Variants in NDST3 observed in about 807,000 individuals in gnomAD.
The protein encoded by NDST3 is N-deacetylase and N-sulfotransferase 3.
In NDST3, 58 loss-of-function variants were observed where a neutral mutation model predicts 96.1. The observed-to-expected ratio is 0.60, with a 90% CI of 0.49 to 0.75. NDST3 has a LOEUF of 0.75. Ranked by LOEUF, NDST3 falls within the 30% of genes least tolerant of loss-of-function variation. The pLI is 0.00. For synonymous variants in NDST3, 333 were observed against 359.7 expected, an observed-to-expected ratio of 0.93 and a Z score of 0.84; for missense variants, 788 against 1,034.2, an observed-to-expected ratio of 0.76 and a Z score of 3.27.
At chr4:118,154,393 T>C (rs191006664) in intron 6 of NDST3, among the ~76,000 whole-genome samples, 138 of 152,276 alleles carry the variant, frequency 9.1e-4, no homozygotes, top group African/African-American at 3.2e-3. Flanking sequence ...TAATAAGAGG[T>C]TGCTAAATGT....
intron 6 of NDST3, among the ~76,000 whole-genome samples, chr4:118,224,018 T>G (rs2030634): frequency 0.17 from 25,805 of 152,132 alleles, 2,340 homozygotes; most frequent in South Asian, 0.23. Context: ...TCCTGCACTT[T>G]CTGTGATTGT....
At chr4:118,046,676 G>A (rs867471130) in intron 1 of NDST3, among the ~76,000 whole-genome samples, 1 of 152,120 alleles carries the variant, frequency 6.6e-6, no homozygotes, top group South Asian at 2.1e-4. Context: ...AGTACCTGAA[G>A]GATGGAGCCC....
intron 2 of NDST3, among the ~76,000 whole-genome samples, chr4:118,101,878 A>C (rs1729793926): frequency 6.6e-6 from 1 of 152,122 alleles, no homozygotes; most frequent in Non-Finnish European, 1.5e-5. Flanking sequence ...ATTATAGTAT[A>C]CTCATTTGAT....
chr4:118,117,347 C>T (rs2125868781), intron 4 of NDST3, among the ~76,000 whole-genome samples: 1 of 152,008 alleles, frequency 6.6e-6, no homozygotes, highest in East Asian at 1.9e-4. Flanking sequence ...CACAAAATTG[C>T]CATCTTTAAT....
intron 4 of NDST3, among the ~76,000 whole-genome samples, chr4:118,137,381 C>T (rs1337516089): frequency 3.3e-5 from 5 of 150,760 alleles, no homozygotes; most frequent in Non-Finnish European, 7.4e-5. Context: ...ATTTTATGTA[C>T]AAGAGCTTGA....
intron 2 of NDST3, among the ~76,000 whole-genome samples, chr4:118,063,347 G>A (rs1726053371): frequency 6.6e-6 from 1 of 152,068 alleles, no homozygotes; most frequent in Non-Finnish European, 1.5e-5. Context: ...AGAGATTTAG[G>A]TTCTAGAGAT....
chr4:118,068,547 C>G lies in NDST3; in HGVS notation c.981+13656C>G, dbSNP rs189278316. Among the ~76,000 whole-genome samples the G allele has an allele frequency of 1.4e-4, 21 of 152,108 alleles. No homozygotes were observed. The East Asian group carries it at 3.9e-3, about 28-fold the overall frequency. On this transcript the variant is annotated intron_variant, in intron 2 of 13. Coordinates refer to ENST00000296499, the MANE Select transcript of NDST3 (RefSeq NM_004784.3). The stretch of plus-strand genomic sequence containing the variant: ...AAACCACGGAAAAGCCAAGAAACAT[C>G]ACTTTAAATGTTTGCTTAAAAATGC...
At chr4:118,138,552 T>C (rs1733312831) in intron 5 of NDST3, among the ~76,000 whole-genome samples, 1 of 152,198 alleles carries the variant, frequency 6.6e-6, no homozygotes, top group Admixed American at 6.5e-5. Context: ...CAAAATGTTA[T>C]TCAGTATGAA....
intron 1 of NDST3, among the ~76,000 whole-genome samples, chr4:118,036,367 A>T (rs993616320): frequency 6.6e-6 from 1 of 152,310 alleles, no homozygotes; most frequent in African/African-American, 2.4e-5. Flanking sequence ...AAAATCAGGG[A>T]AATTGAATTA....
chr4:118,127,524 G>T (rs188794654), intron 4 of NDST3, among the ~76,000 whole-genome samples: 1 of 152,016 alleles, frequency 6.6e-6, no homozygotes, highest in East Asian at 1.9e-4. Flanking sequence ...TTGTTGCTGG[G>T]TTCTTTGTTC....
intron 2 of NDST3, among the ~76,000 whole-genome samples, chr4:118,066,122 A>ATATATAT (rs1237306611): frequency 1.5e-5 from 1 of 65,278 alleles, no homozygotes; most frequent in Non-Finnish European, 2.8e-5. Flanking sequence ...TTTATATATT[A>ATATATAT]TATATATTAT....
At chr4:118,093,932 G>A (rs577486691) in intron 2 of NDST3, among the ~76,000 whole-genome samples, 8 of 151,880 alleles carry the variant, frequency 5.3e-5, no homozygotes, top group Admixed American at 5.3e-4. Context: ...ATGGAACCTT[G>A]TTGCTGCATC....
rs1204525860 is a variant in NDST3 at position 118,256,869 on chromosome 4, T to C, written c.*1157T>C. 6.6e-6 allele frequency: 1 copy of C among 152,188 alleles called. No homozygotes were observed. The highest frequency in any genetic ancestry group is 2.4e-5 in the African/African-American group (1 of 41,450). The allele number at this position is 152,188 out of a possible 1,614,324, so 9.4% of individuals were successfully genotyped here. ...TAATATATTATTTGTAATCTAATGTTTGCAATGATACTTTTGATATAAGGC... is the reference window on the plus strand; with the variant it reads ...TAATATATTATTTGTAATCTAATGTCTGCAATGATACTTTTGATATAAGGC... On this transcript the variant is annotated 3_prime_UTR_variant, in exon 14 of 14. Coordinates refer to ENST00000296499, the MANE Select transcript of NDST3 (RefSeq NM_004784.3).
chr4:118,163,267 C>T (rs866850087), intron 6 of NDST3, among the ~76,000 whole-genome samples: 2 of 152,128 alleles, frequency 1.3e-5, no homozygotes, highest in Admixed American at 6.5e-5. Flanking sequence ...ACCCAAAGGA[C>T]TATAAATCAT....
In NDST3 at chr4:118,058,878, C is replaced by T. The variant is rs900170853; in HGVS notation, c.981+3987C>T. 5.1e-4 allele frequency among the ~76,000 whole-genome samples: 78 copies of T among 151,996 alleles called. 1 individual carries two copies. The highest frequency in any genetic ancestry group is 5.0e-3 in the Admixed American group (76 of 15,218). On this transcript the variant is annotated intron_variant, in intron 2 of 13. Transcript: ENST00000296499. ...CTAATAACCCATGTGATCTTTTAGG[C>T]GCATTAACTCACTCTTGTTGTAAGA... is the stretch of plus-strand genomic sequence containing the variant.
intron 6 of NDST3, among the ~76,000 whole-genome samples, chr4:118,158,531 A>C (rs547226022): frequency 1.3e-5 from 2 of 152,376 alleles, no homozygotes; most frequent in African/African-American, 2.4e-5. Context: ...GATGGAATTC[A>C]AAGATCATCA....
At chr4:118,165,364 A>G (rs566316282) in intron 6 of NDST3, among the ~76,000 whole-genome samples, 2 of 152,212 alleles carry the variant, frequency 1.3e-5, no homozygotes, top group African/African-American at 4.8e-5. Flanking sequence ...AAGTCAATTA[A>G]CCAGGAAGAT....
chr4:118,154,424 G>A (rs1033804532), intron 6 of NDST3, among the ~76,000 whole-genome samples: 5 of 152,150 alleles, frequency 3.3e-5, no homozygotes, highest in East Asian at 1.9e-4. Flanking sequence ...TTGACTAAAC[G>A]CATGAAGAGT....
intron 6 of NDST3, among the ~76,000 whole-genome samples, chr4:118,197,070 A>C (rs889578606): frequency 6.6e-6 from 1 of 151,684 alleles, no homozygotes; most frequent in Non-Finnish European, 1.5e-5. Context: ...GAAATTTTTC[A>C]ATTTCCATCT....
Sources: gnomAD v4.1 joint callset for allele counts (sites outside exome capture counted in the v4.1 genomes callset) on GRCh38, gnomAD v4.1.1 for gene constraint, MANE v1.5 for transcripts, NCBI Gene and HGNC (gene_info 2026-07-23, HGNC 2026-07-21) for gene names.